C1orf21: variants seen among roughly 807,000 people sequenced by gnomAD.
C1orf21 encodes the protein chromosome 1 open reading frame 21.
In C1orf21, 3 loss-of-function variants were observed where a neutral mutation model predicts 18.7. The ratio of observed to expected loss-of-function variants is 0.16; its 90% confidence interval spans 0.07 to 0.42. C1orf21 has a LOEUF of 0.42. Ranked by LOEUF, C1orf21 falls within the 10% of genes least tolerant of loss-of-function variation. C1orf21 has a pLI of 0.99. For missense variants in C1orf21, 104 were observed against 143.6 expected (o/e 0.72, Z 1.41); for synonymous variants, 41 against 46.4 (o/e 0.88, Z 0.47).
chr1:184,413,745 G>C (rs1189674662), intron 1 of C1orf21, among the ~76,000 whole-genome samples: 1 of 152,148 alleles, frequency 6.6e-6, no homozygotes, highest in Non-Finnish European at 1.5e-5. Flanking sequence ...GTGAAGAAGT[G>C]TCTCTACCAT....
At position 184,442,018 on chromosome 1, in the gene C1orf21, T is replaced by C. The variant is rs117222200; in HGVS notation, c.-124-35368T>C. ...AACAGACTGGTAATAAAGTGTATCA[T>C]GGATTTTCAAGTCAAAAGAAACTCG... On this transcript the variant is annotated intron_variant, in intron 1 of 5. Transcript: ENST00000235307. 2.5e-3 allele frequency among the ~76,000 whole-genome samples: 383 copies of C among 152,304 alleles called. 3 individuals are homozygous for C. The East Asian group carries it at 0.032, about 13-fold the overall frequency.
chr1:184,477,477 G>A lies in C1orf21; in HGVS notation c.-33G>A. On this transcript the variant is annotated 5_prime_UTR_variant, in exon 2 of 6. Coordinates refer to ENST00000235307, the MANE Select transcript of C1orf21 (RefSeq NM_030806.4). ...CCTGTGTCTGTAGAGATGATTTGCAGTTCAGCCCGGCTGAAGCTGACCGAA... is the reference window on the plus strand; with the variant it reads ...CCTGTGTCTGTAGAGATGATTTGCAATTCAGCCCGGCTGAAGCTGACCGAA... 1 of 1,580,640 alleles carries A rather than the reference G, an allele frequency of 6.3e-7. No individual in the cohort carries two copies. Among genetic ancestry groups the A allele is most frequent in the African/African-American group, 1.4e-5 (1 of 73,978 alleles).
intron 1 of C1orf21, 83 bp from the exon 2 acceptor site, chr1:184,477,303 G>T: frequency 1.8e-6 from 1 of 542,220 alleles, no homozygotes. Context: ...CTAGTATACT[G>T]CAGGGCACAG....
chr1:184,402,670 T>G (rs1445259037), intron 1 of C1orf21, among the ~76,000 whole-genome samples: 1 of 151,722 alleles, frequency 6.6e-6, no homozygotes, highest in Non-Finnish European at 1.5e-5. Flanking sequence ...TGTGCCCCCC[T>G]TATATAATTC....
At chr1:184,464,732 G>A (rs1203736489) in intron 1 of C1orf21, among the ~76,000 whole-genome samples, 2 of 152,192 alleles carry the variant, frequency 1.3e-5, no homozygotes, top group African/African-American at 4.8e-5. Flanking sequence ...TATAGCTTAA[G>A]CAGAAATGGA....
chr1:184,548,697 G>C (rs957967958), intron 3 of C1orf21, among the ~76,000 whole-genome samples: 3 of 152,142 alleles, frequency 2.0e-5, no homozygotes, highest in Non-Finnish European at 2.9e-5. Context: ...TTAGACTTTT[G>C]ATTTGGACAA....
intron 5 of C1orf21, among the ~76,000 whole-genome samples, chr1:184,602,456 GCTAT>G (rs1337967490): frequency 6.6e-6 from 1 of 152,144 alleles, no homozygotes; most frequent in Non-Finnish European, 1.5e-5. Context: ...TTTTTACTCT[GCTAT>G]CTAACCATCG....
intron 3 of C1orf21, among the ~76,000 whole-genome samples, chr1:184,579,335 AACT>A (rs926796584): frequency 1.4e-5 from 2 of 146,590 alleles, no homozygotes; most frequent in African/African-American, 5.0e-5. Context: ...TATAGGCATG[AACT>A]ACTACACCTG....
chr1:184,468,159 A>G (rs1023567116), intron 1 of C1orf21, among the ~76,000 whole-genome samples: 1 of 152,244 alleles, frequency 6.6e-6, no homozygotes, highest in African/African-American at 2.4e-5. Flanking sequence ...TGTTCTAGAT[A>G]GACCTTGACA....
chr1:184,396,699 T>C (rs1250326601), intron 1 of C1orf21, among the ~76,000 whole-genome samples: 2 of 152,180 alleles, frequency 1.3e-5, no homozygotes, highest in Non-Finnish European at 2.9e-5. Flanking sequence ...TACATTTCCA[T>C]GATGAGGTCA....
intron 1 of C1orf21, among the ~76,000 whole-genome samples, chr1:184,400,948 A>G (rs998326855): frequency 1.3e-5 from 2 of 152,120 alleles, no homozygotes; most frequent in Non-Finnish European, 2.9e-5. Flanking sequence ...GTGCTACATT[A>G]TTTTGCATTC....
At chr1:184,429,316 C>T (rs1656694716) in intron 1 of C1orf21, among the ~76,000 whole-genome samples, 1 of 152,098 alleles carries the variant, frequency 6.6e-6, no homozygotes, top group South Asian at 2.1e-4. Flanking sequence ...TTCATGACAC[C>T]CTCCTTACCC....
At chr1:184,555,685 C>T (rs1026697038) in intron 3 of C1orf21, among the ~76,000 whole-genome samples, 10 of 150,556 alleles carry the variant, frequency 6.6e-5, no homozygotes, top group East Asian at 2.0e-4. Context: ...CTCTCAGGAG[C>T]GGGGCAAGGA....
intron 4 of C1orf21, among the ~76,000 whole-genome samples, chr1:184,597,273 A>G (rs1659529554): frequency 6.6e-6 from 1 of 152,192 alleles, no homozygotes; most frequent in Admixed American, 6.5e-5. Flanking sequence ...AGATATGTAC[A>G]TTGTTTTCCT....
At chr1:184,546,384 G>A (rs185313365) in intron 3 of C1orf21, among the ~76,000 whole-genome samples, 402 of 152,274 alleles carry the variant, frequency 2.6e-3, no homozygotes, top group Non-Finnish European at 4.9e-3. Flanking sequence ...GCAGTGAGCC[G>A]AGATTGCACT....
intron 1 of C1orf21, among the ~76,000 whole-genome samples, chr1:184,410,013 A>G (rs1272720388): frequency 6.6e-6 from 1 of 152,246 alleles, no homozygotes; most frequent in Non-Finnish European, 1.5e-5. Flanking sequence ...CCAGTAGGAA[A>G]TGTATTTTTT....
At chr1:184,514,525 T>C (rs1320628911) in intron 3 of C1orf21, among the ~76,000 whole-genome samples, 1 of 152,154 alleles carries the variant, frequency 6.6e-6, no homozygotes, top group Non-Finnish European at 1.5e-5. Flanking sequence ...TTGGCCTGAT[T>C]ACAGGAAAAT....
At chr1:184,414,006 A>G (rs1656406656) in intron 1 of C1orf21, among the ~76,000 whole-genome samples, 1 of 152,228 alleles carries the variant, frequency 6.6e-6, no homozygotes, top group South Asian at 2.1e-4. Context: ...GATTTACAAT[A>G]ACATAATATT....
chr1:184,432,164 A>G (rs1163046985), intron 1 of C1orf21, among the ~76,000 whole-genome samples: 3 of 152,226 alleles, frequency 2.0e-5, no homozygotes, highest in African/African-American at 7.2e-5. Context: ...CAGCAATCCC[A>G]TTACTGGGTG....
Sources: allele counts gnomAD v4.1 joint callset (sites outside exome capture counted in the v4.1 genomes callset), GRCh38; gene constraint gnomAD v4.1.1; transcripts MANE v1.5; gene names NCBI Gene and HGNC (gene_info 2026-07-23, HGNC 2026-07-21).